The following ANO6 variants were observed in gnomAD, a reference collection of about 807,000 sequenced individuals.
ANO6 encodes anoctamin-6.
A neutral mutation model predicts 117.5 loss-of-function variants in ANO6; 106 were observed. The ratio of observed to expected loss-of-function variants is 0.90; its 90% confidence interval spans 0.77 to 1.06. The LOEUF (loss-of-function observed/expected upper bound fraction) is 1.06, where lower values mean the gene tolerates loss of function less well. Ranked by LOEUF, ANO6 falls within the 50% of genes least tolerant of loss-of-function variation. The pLI, the probability that ANO6 is intolerant of heterozygous loss-of-function variation, is 0.00. For synonymous variants in ANO6, 367 were observed against 385.1 expected (o/e 0.95, Z 0.55); for missense variants, 955 against 1,121.1 (o/e 0.85, Z 2.12).
intron 9 of ANO6, among the ~76,000 whole-genome samples, chr12:45,371,834 A>G (rs1941847360): frequency 6.6e-6 from 1 of 152,360 alleles, no homozygotes; most frequent in South Asian, 2.1e-4. Context: ...GCAGTTCCTC[A>G]CCAGCAACGG....
At chr12:45,356,336 TTTTC>T (rs1176343100) in intron 7 of ANO6, among the ~76,000 whole-genome samples, 1 of 152,176 alleles carries the variant, frequency 6.6e-6, no homozygotes, top group Non-Finnish European at 1.5e-5. Context: ...TAGTGGTTTT[TTTTC>T]TTATTATTAC....
intron 1 of ANO6, among the ~76,000 whole-genome samples, chr12:45,250,759 C>CT (rs1178190922): frequency 8.7e-6 from 1 of 115,602 alleles, no homozygotes; most frequent in Non-Finnish European, 1.7e-5. Context: ...GCTCTGGTTA[C>CT]TTAAAAAAAA....
intron 16 of ANO6, among the ~76,000 whole-genome samples, chr12:45,411,011 A>G (rs138697008): frequency 6.6e-6 from 1 of 152,280 alleles, no homozygotes; most frequent in East Asian, 1.9e-4. Context: ...TTAGTTAGTT[A>G]TTATTCTGCT....
At chr12:45,417,300 A>G (rs35816444) in intron 17 of ANO6, among the ~76,000 whole-genome samples, 21,405 of 152,152 alleles carry the variant, frequency 0.14, 2,207 homozygotes, top group East Asian at 0.35. Flanking sequence ...ATTCTACCAT[A>G]TTTTACTACT....
At chr12:45,260,812 G>GT (rs1456416925) in intron 1 of ANO6, among the ~76,000 whole-genome samples, 2 of 151,856 alleles carry the variant, frequency 1.3e-5, no homozygotes, top group Non-Finnish European at 2.9e-5. Flanking sequence ...AAGAGACGGG[G>GT]TTTCTTGCTC....
intron 16 of ANO6, among the ~76,000 whole-genome samples, chr12:45,410,544 T>C (rs1943061169): frequency 1.3e-5 from 2 of 152,256 alleles, no homozygotes; most frequent in African/African-American, 4.8e-5. Context: ...TTTTGTATTA[T>C]GCATGACACG....
intron 9 of ANO6, among the ~76,000 whole-genome samples, chr12:45,377,584 T>G (rs984347239): frequency 1.3e-5 from 2 of 152,220 alleles, no homozygotes; most frequent in Non-Finnish European, 2.9e-5. Context: ...TGTACGTCTC[T>G]TAACAGGAAA....
intron 8 of ANO6, among the ~76,000 whole-genome samples, chr12:45,361,858 G>A (rs989068604): frequency 6.6e-6 from 1 of 152,068 alleles, no homozygotes; most frequent in Non-Finnish European, 1.5e-5. Context: ...CTTGGTCATA[G>A]TATGTAGTAC....
At chr12:45,216,957 G>A (rs549397585) in intron 1 of ANO6, among the ~76,000 whole-genome samples, 13 of 152,298 alleles carry the variant, frequency 8.5e-5, no homozygotes, top group Middle Eastern at 3.4e-3. Context: ...GGAGCCCACC[G>A]GAGCTGTGAT....
intron 16 of ANO6, among the ~76,000 whole-genome samples, chr12:45,410,255 T>G (rs992732717): frequency 6.6e-6 from 1 of 152,198 alleles, no homozygotes; most frequent in Non-Finnish European, 1.5e-5. Flanking sequence ...ATGCCCACTT[T>G]CACATCTCAT....
At chr12:45,232,372 C>T (rs1947585607) in intron 1 of ANO6, among the ~76,000 whole-genome samples, 1 of 152,106 alleles carries the variant, frequency 6.6e-6, no homozygotes, top group Non-Finnish European at 1.5e-5. Flanking sequence ...GGAAGACAAA[C>T]ATACCAACAG....
intron 1 of ANO6, among the ~76,000 whole-genome samples, chr12:45,251,135 C>G (rs1043023495): frequency 6.6e-6 from 1 of 151,936 alleles, no homozygotes; most frequent in African/African-American, 2.4e-5. Flanking sequence ...ATGAGGAAAC[C>G]AAGATGAGCT....
rs1315537580 is a variant in ANO6, at chr12:45,324,057, C to A, written c.151-7238C>A. ...GGTTCAAGCAATTCTCCTGCCTCAG[C>A]CTCCCGAGTAGCTGGGATTACAGAC... On this transcript the variant is annotated intron_variant, in intron 2 of 19. Coordinates refer to ENST00000320560, the MANE Select transcript of ANO6 (RefSeq NM_001025356.3). Among the ~76,000 whole-genome samples the A allele has an allele frequency of 2.6e-5, 4 of 151,538 alleles. No individual in the cohort carries two copies. In the East Asian group the frequency reaches 7.7e-4, roughly 29 times the overall value.
At chr12:45,230,515 A>C (rs1947558919) in intron 1 of ANO6, among the ~76,000 whole-genome samples, 1 of 151,024 alleles carries the variant, frequency 6.6e-6, no homozygotes, top group South Asian at 2.1e-4. Context: ...GGTTCCTTGC[A>C]TGGTCATTGT....
At chr12:45,326,283 A>T (rs1940463032) in intron 2 of ANO6, among the ~76,000 whole-genome samples, 1 of 152,246 alleles carries the variant, frequency 6.6e-6, no homozygotes, top group South Asian at 2.1e-4. Flanking sequence ...ATCCTTGATG[A>T]GAAATGACTG....
chr12:45,377,788 T>C (rs1301003532), intron 9 of ANO6, among the ~76,000 whole-genome samples: 1 of 152,242 alleles, frequency 6.6e-6, no homozygotes, highest in Non-Finnish European at 1.5e-5. Flanking sequence ...CTAGGAACTA[T>C]ACCTGTTTCC....
At chr12:45,433,562 A>G (rs58940403), downstream of ANO6, among the ~76,000 whole-genome samples, 13,616 of 152,194 alleles carry the variant, frequency 0.089, 1,487 homozygotes, top group African/African-American at 0.26. Context: ...TGCCATTGAT[A>G]AGCAATGGGG....
intron 16 of ANO6, among the ~76,000 whole-genome samples, chr12:45,415,594 T>C (rs1943194369): frequency 6.6e-6 from 1 of 152,222 alleles, no homozygotes; most frequent in African/African-American, 2.4e-5. Context: ...TGCTCATGAC[T>C]CTGTAGCATC....
chr12:45,396,425 A>T (rs1386338629), intron 12 of ANO6, among the ~76,000 whole-genome samples: 2 of 152,244 alleles, frequency 1.3e-5, no homozygotes, highest in African/African-American at 4.8e-5. Flanking sequence ...GCCCAAAGTA[A>T]TTTATAAATT....
Sources: gnomAD v4.1 joint callset for allele counts (sites outside exome capture counted in the v4.1 genomes callset) on GRCh38, gnomAD v4.1.1 for gene constraint, MANE v1.5 for transcripts, NCBI Gene and HGNC (gene_info 2026-07-23, HGNC 2026-07-21) for gene names.